ACTR2: variants seen among roughly 807,000 people sequenced by gnomAD.
ACTR2 encodes the protein actin-related protein 2.
Under a neutral mutation model 50.2 loss-of-function variants are expected in ACTR2, and 5 were observed. The ratio of observed to expected loss-of-function variants is 0.10; its 90% CI spans 0.05 to 0.21. The LOEUF (loss-of-function observed/expected upper bound fraction) is 0.21, where lower values mean the gene tolerates loss of function less well. ACTR2 is among the 10% of genes least tolerant of loss of function. The pLI is 1.00. For missense variants in ACTR2, 180 were observed against 480.6 expected, an observed-to-expected ratio of 0.37 and a Z score of 5.85; for synonymous variants, 140 against 162.9, an observed-to-expected ratio of 0.86 and a Z score of 1.07.
At chr2:65,257,225 G>C (rs1672167240) in intron 6 of ACTR2, among the ~76,000 whole-genome samples, 1 of 151,220 alleles carries the variant, frequency 6.6e-6, no homozygotes, top group African/African-American at 2.4e-5. Flanking sequence ...GTGTTAATTT[G>C]CTGAGAATGA....
chr2:65,240,528 A>G (rs1671820513), intron 2 of ACTR2, among the ~76,000 whole-genome samples: 1 of 152,196 alleles, frequency 6.6e-6, no homozygotes, highest in Admixed American at 6.5e-5. Context: ...ATCTTACCAT[A>G]AAGAGGAAGG....
chr2:65,262,954 A>G (rs1672298341), intron 7 of ACTR2, among the ~76,000 whole-genome samples: 1 of 151,248 alleles, frequency 6.6e-6, no homozygotes, highest in African/African-American at 2.4e-5. Context: ...TGACAGAGTG[A>G]GACCCTGTCT....
chr2:65,237,859 AGT>A (rs1671769234), intron 1 of ACTR2, among the ~76,000 whole-genome samples: 1 of 152,146 alleles, frequency 6.6e-6, no homozygotes, highest in Non-Finnish European at 1.5e-5. Context: ...GTACACCTGT[AGT>A]CCCAGCTACT....
At chr2:65,249,497 C>T (rs917698220) in intron 3 of ACTR2, among the ~76,000 whole-genome samples, 2 of 152,054 alleles carry the variant, frequency 1.3e-5, no homozygotes, top group Non-Finnish European at 2.9e-5. Flanking sequence ...CCATTTTCAT[C>T]CCTGTGGAGG....
At chr2:65,253,909 T>C (rs1274624876) in intron 5 of ACTR2, 45 bp downstream of exon 5, 2 of 1,534,802 alleles carry the variant, frequency 1.3e-6, no homozygotes, top group Admixed American at 1.7e-5. Flanking sequence ...TTGTAATTTG[T>C]TTACCACCTT....
At position 65,235,189 on chromosome 2, in the gene ACTR2, T is replaced by C. The variant is rs188658785; in HGVS notation, c.49-4663T>C. On this transcript the variant is annotated intron_variant, in intron 1 of 8. Transcript: ENST00000260641. ...TGAGAGGTGTGTGTGTGTGTGTGTG[T>C]GCACGTGGTGTGTGTGTTATGTTTT... Among the ~76,000 whole-genome samples the C allele has an allele frequency of 3.6e-3, 545 of 149,888 alleles. 3 individuals are homozygous for C. Among genetic ancestry groups the C allele is most frequent in the African/African-American group, 0.012 (498 of 41,128 alleles).
chr2:65,252,175 A>G (rs1672064417), intron 4 of ACTR2, among the ~76,000 whole-genome samples: 1 of 152,034 alleles, frequency 6.6e-6, no homozygotes, highest in Non-Finnish European at 1.5e-5. Context: ...AAATTCTTGC[A>G]TTAGTCAGTG....
At chr2:65,258,898 T>TG (rs1287990679) in intron 6 of ACTR2, among the ~76,000 whole-genome samples, 1 of 152,136 alleles carries the variant, frequency 6.6e-6, no homozygotes, top group Non-Finnish European at 1.5e-5. Context: ...TCCAGATATT[T>TG]TGGGTGATTT....
At chr2:65,257,109 C>A (rs998076057) in intron 6 of ACTR2, among the ~76,000 whole-genome samples, 80 of 152,130 alleles carry the variant, frequency 5.3e-4, no homozygotes, top group Non-Finnish European at 1.0e-3. Flanking sequence ...TGCCGCCCCC[C>A]ACCCAACAGG....
rs549731560 is a variant in ACTR2 at position 65,250,369 on chromosome 2, A to G, written c.376-658A>G. On this transcript the variant is annotated intron_variant, in intron 3 of 8. Coordinates refer to ENST00000260641, the MANE Select transcript of ACTR2 (RefSeq NM_005722.4). Reference sequence around the variant, plus strand: ...ACAGAGCAAGACTCCGTCTCAAAAAAAGAAAAAAAAAAGATATTTCCCTGG... The same window carrying G: ...ACAGAGCAAGACTCCGTCTCAAAAAGAGAAAAAAAAAAGATATTTCCCTGG... Among the ~76,000 whole-genome samples the G allele has an allele frequency of 5.4e-5, 8 of 148,412 alleles. No individual in the cohort carries two copies. The South Asian group carries it at 1.7e-3, about 32-fold the overall frequency.
intron 1 of ACTR2, 50 bp from the exon 2 acceptor site, chr2:65,239,802 T>C (rs747180985): frequency 1.4e-5 from 15 of 1,102,656 alleles, no homozygotes; most frequent in Non-Finnish European, 2.1e-5. Flanking sequence ...TCTTAAAATA[T>C]AGTAAATATC....
intron 1 of ACTR2, among the ~76,000 whole-genome samples, chr2:65,229,133 A>G (rs1671588620): frequency 6.6e-6 from 1 of 152,206 alleles, no homozygotes; most frequent in Non-Finnish European, 1.5e-5. Flanking sequence ...GCCAGATTAA[A>G]AAAAAATGTA....
rs1672095092 is a variant in ACTR2 at position 65,253,616 on chromosome 2, T to TG, written c.449-110dup. 10 of 1,011,588 alleles carry TG rather than the reference T, an allele frequency of 9.9e-6. No individual in the cohort carries two copies. The East Asian group carries it at 2.4e-4, about 24-fold the overall frequency. 62.7% of individuals were successfully genotyped at this position (1,011,588 alleles called of 1,614,324 possible). A position where few individuals can be genotyped will look rare whatever the true frequency, so the allele number is the denominator to read the frequency against. ...TGCAAAATAACTAAATAATAAATTC[T>TG]GGCTTCTAGTTGGTTACGTTTCTGT... On this transcript the variant is annotated intron_variant, in intron 4 of 8. Transcript: ENST00000260641.
In ACTR2 at chr2:65,251,067, C is replaced by T. The variant is rs1558625147; in HGVS notation, c.416C>T (p.Ala139Val). Residue 139 changes from alanine to valine, a missense_variant, in exon 4 of 9, where the codon GCC becomes GTC. Coordinates refer to ENST00000260641, the MANE Select transcript of ACTR2 (RefSeq NM_005722.4). ...ETYQFSGVYVAIQAVLTLYAQ... is the reference protein window; with the variant it reads ...ETYQFSGVYVVIQAVLTLYAQ... The stretch of plus-strand genomic sequence containing the variant: ...TACCAGTTTTCCGGTGTATATGTAG[C>T]CATCCAGGCAGTTCTGACTTTGTAC... 1 of 1,608,358 alleles carries T rather than the reference C, an allele frequency of 6.2e-7. No individual in the cohort carries two copies. Among genetic ancestry groups the T allele is most frequent in the Non-Finnish European group, 8.5e-7 (1 of 1,177,342 alleles).
chr2:65,256,975 TG>T (rs1380456583), intron 6 of ACTR2, among the ~76,000 whole-genome samples: 1 of 152,150 alleles, frequency 6.6e-6, no homozygotes, highest in Non-Finnish European at 1.5e-5. Context: ...CTTTAAGTTC[TG>T]GGATACATGT....
chr2:65,265,460 C>T (rs1336116384), intron 8 of ACTR2, among the ~76,000 whole-genome samples: 1 of 152,188 alleles, frequency 6.6e-6, no homozygotes, highest in Non-Finnish European at 1.5e-5. Flanking sequence ...TGAGAAGAAC[C>T]TGCTGTACTA....
At chr2:65,256,894 A>C (rs1672160006) in intron 6 of ACTR2, among the ~76,000 whole-genome samples, 1 of 151,164 alleles carries the variant, frequency 6.6e-6, no homozygotes, top group Non-Finnish European at 1.5e-5. Flanking sequence ...AAAAAAAAAA[A>C]AGTTAAGATA....
At chr2:65,243,733 G>A (rs904373968) in intron 2 of ACTR2, among the ~76,000 whole-genome samples, 1 of 152,182 alleles carries the variant, frequency 6.6e-6, no homozygotes. Context: ...AATTTGAGGT[G>A]ACATTGTTCA....
At chr2:65,246,442 A>C in intron 2 of ACTR2, 82 bp from the exon 3 acceptor site, 1 of 971,998 alleles carries the variant, frequency 1.0e-6, no homozygotes, top group South Asian at 1.8e-5. Context: ...TGCAAGTGTC[A>C]GAAATATTAA....
Sources: gnomAD v4.1 joint callset for allele counts (sites outside exome capture counted in the v4.1 genomes callset) on GRCh38, gnomAD v4.1.1 for gene constraint, MANE v1.5 for transcripts, NCBI Gene and HGNC (gene_info 2026-07-23, HGNC 2026-07-21) for gene names.